The following SGCD variants were observed in gnomAD, a reference collection of about 807,000 sequenced individuals.
SGCD encodes delta-sarcoglycan.
Under a neutral mutation model 36.6 loss-of-function variants are expected in SGCD, and 18 were observed. That is an observed-to-expected ratio of 0.49 (90% CI 0.34 to 0.73). The LOEUF (loss-of-function observed/expected upper bound fraction) is 0.73. Among genes scored for constraint, SGCD ranks in the 30% least tolerant of loss-of-function variants. The probability of loss-of-function intolerance (pLI) is 0.01; values close to 1 mark genes in which losing one functional copy is unlikely to be tolerated. For synonymous variants in SGCD, 133 were observed against 130.6 expected (o/e 1.02, Z -0.12); for missense variants, 387 against 346.7 (o/e 1.12, Z -0.92).
At chr5:155,914,473 C>G (rs1756696432) in intron 1 of SGCD, among the ~76,000 whole-genome samples, 1 of 152,112 alleles carries the variant, frequency 6.6e-6, no homozygotes, top group Admixed American at 6.6e-5. Context: ...CTTCCCAGTA[C>G]TAGAAGTGTA....
chr5:156,729,742 A>G (rs1037055983), intron 7 of SGCD, among the ~76,000 whole-genome samples: 54 of 152,330 alleles, frequency 3.5e-4, no homozygotes, highest in African/African-American at 1.2e-3. Context: ...TCTCGTTACC[A>G]GCCATAGGCA....
intron 6 of SGCD, among the ~76,000 whole-genome samples, chr5:156,620,339 G>T (rs1581268286): frequency 1.3e-5 from 2 of 152,210 alleles, no homozygotes; most frequent in East Asian, 3.8e-4. Flanking sequence ...TAAGTTCAGT[G>T]CAGAGATGTA....
intron 3 of SGCD, among the ~76,000 whole-genome samples, chr5:156,381,127 G>T (rs769662261): frequency 6.6e-6 from 1 of 152,190 alleles, no homozygotes; most frequent in South Asian, 2.1e-4. Flanking sequence ...GGAAGCCAGG[G>T]TGGAGGCCAA....
At chr5:155,985,718 A>G (rs1758315935) in intron 1 of SGCD, among the ~76,000 whole-genome samples, 1 of 152,204 alleles carries the variant, frequency 6.6e-6, no homozygotes, top group African/African-American at 2.4e-5. Context: ...AAAGCTAATG[A>G]AATTGCAGAC....
At chr5:156,025,723 G>T (rs1759213417) in intron 1 of SGCD, among the ~76,000 whole-genome samples, 1 of 151,908 alleles carries the variant, frequency 6.6e-6, no homozygotes, top group Non-Finnish European at 1.5e-5. Flanking sequence ...TATTATAATG[G>T]AAATTGCTGT....
rs951314527 is a variant in SGCD at position 156,267,180 on chromosome 5, T to C, written c.-43-62354T>C. ...TAGTTACATAACAAGTATTGAGTGC[T>C]TAGCATTAGTTAATCACTTAATAAG... On this transcript the variant is annotated intron_variant, in intron 3 of 9. Coordinates refer to the SGCD transcript ENST00000517913. Among the ~76,000 whole-genome samples the C allele has an allele frequency of 2.0e-5, 3 of 152,224 alleles. No homozygotes were observed. In the South Asian group the frequency reaches 6.2e-4, roughly 31 times the overall value.
chr5:155,947,265 T>A (rs1284700138), intron 1 of SGCD, among the ~76,000 whole-genome samples: 2 of 151,338 alleles, frequency 1.3e-5, no homozygotes, highest in Non-Finnish European at 2.9e-5. Flanking sequence ...ACGCTCACAT[T>A]GTTAGCTTGG....
chr5:155,973,909 A>C (rs1369594980), intron 1 of SGCD, among the ~76,000 whole-genome samples: 1 of 152,108 alleles, frequency 6.6e-6, no homozygotes, highest in Non-Finnish European at 1.5e-5. Flanking sequence ...ATCTGTTTTA[A>C]CTCCAGTATG....
chr5:155,886,513 TGTGTGTGTGCGTGGGCGC>T (rs1246404190), intron 1 of SGCD, among the ~76,000 whole-genome samples: 2 of 150,030 alleles, frequency 1.3e-5, no homozygotes, highest in Admixed American at 1.3e-4. Flanking sequence ...CGCGCGTGCG[TGTGTGTGTGCGTGGGCGC>T]GTGTGTGTGT....
chr5:156,623,316 G>C (rs1762326607), intron 6 of SGCD, among the ~76,000 whole-genome samples: 1 of 152,108 alleles, frequency 6.6e-6, no homozygotes, highest in Non-Finnish European at 1.5e-5. Context: ...TGTTTTACAG[G>C]ACACCGTGAT....
chr5:156,018,249 A>AT (rs895684084), intron 1 of SGCD, among the ~76,000 whole-genome samples: 5 of 151,940 alleles, frequency 3.3e-5, no homozygotes, highest in South Asian at 2.1e-4. Context: ...GAAAATTCTC[A>AT]TTTTTTTTCT....
chr5:156,233,190 G>A (rs1765065111), intron 3 of SGCD, among the ~76,000 whole-genome samples: 4 of 152,110 alleles, frequency 2.6e-5, no homozygotes, highest in Admixed American at 2.6e-4. Flanking sequence ...AATGAATGTA[G>A]GCTATATCCA....
intron 6 of SGCD, among the ~76,000 whole-genome samples, chr5:156,631,954 C>A (rs1762652906): frequency 1.3e-5 from 2 of 152,196 alleles, no homozygotes; most frequent in South Asian, 4.2e-4. Flanking sequence ...TAGGGTATGT[C>A]TAATTGCAAG....
chr5:155,748,505 G>T, the SGCD span, among the ~76,000 whole-genome samples: 25 of 152,170 alleles, frequency 1.6e-4, no homozygotes, highest in East Asian at 4.8e-3. Context: ...GCTTTTTCAA[G>T]TACAAATTGC....
At chr5:155,907,341 A>T (rs1196154326) in intron 1 of SGCD, among the ~76,000 whole-genome samples, 4 of 152,106 alleles carry the variant, frequency 2.6e-5, no homozygotes, top group Non-Finnish European at 5.9e-5. Context: ...AACATTAATT[A>T]TGCACCCATG....
chr5:156,339,411 A>G (rs114219716), intron 2 of SGCD, among the ~76,000 whole-genome samples: 1,949 of 152,346 alleles, frequency 0.013, 48 homozygotes, highest in African/African-American at 0.045. Context: ...ACAAAGTTGT[A>G]TAAGTTTTTA....
intron 3 of SGCD, among the ~76,000 whole-genome samples, chr5:156,301,082 A>G (rs985202524): frequency 3.3e-5 from 5 of 151,980 alleles, no homozygotes; most frequent in African/African-American, 2.4e-5. Context: ...TATTCCATTT[A>G]TATTCAATAT....
intron 1 of SGCD, among the ~76,000 whole-genome samples, chr5:155,963,263 A>G (rs537303629): frequency 6.6e-6 from 1 of 152,264 alleles, no homozygotes; most frequent in Middle Eastern, 3.4e-3. Context: ...CAAAAAATAT[A>G]TTCCACACAC....
chr5:155,800,761 T>A, the SGCD span, among the ~76,000 whole-genome samples: 17 of 152,140 alleles, frequency 1.1e-4, no homozygotes, highest in Admixed American at 1.1e-3. Flanking sequence ...TAATTCTTAC[T>A]ATTGTCTTTT....
Sources: allele counts gnomAD v4.1 joint callset (sites outside exome capture counted in the v4.1 genomes callset), GRCh38; gene constraint gnomAD v4.1.1; transcripts MANE v1.5; gene names NCBI Gene and HGNC (gene_info 2026-07-23, HGNC 2026-07-21).